Variants in ZFYVE9 observed in about 807,000 individuals in gnomAD.
ZFYVE9 encodes the protein zinc finger FYVE-type containing 9.
Under a neutral mutation model 126.7 loss-of-function variants are expected in ZFYVE9, and 43 were observed. That is an observed-to-expected ratio of 0.34 (90% confidence interval 0.27 to 0.44). ZFYVE9 has a LOEUF of 0.44. Ranked by LOEUF, ZFYVE9 falls within the 20% of genes least tolerant of loss-of-function variation. The pLI, the probability that ZFYVE9 is intolerant of heterozygous loss-of-function variation, is 1.00. For synonymous variants in ZFYVE9, 521 were observed against 597.4 expected (o/e 0.87, Z 1.87); for missense variants, 1,476 against 1,697.0 (o/e 0.87, Z 2.29).
intron 1 of ZFYVE9, among the ~76,000 whole-genome samples, chr1:52,156,611 A>G (rs1572060798): frequency 6.6e-6 from 1 of 152,134 alleles, no homozygotes; most frequent in East Asian, 1.9e-4. Context: ...CCATTTATAC[A>G]TTGAGGGACT....
At chr1:52,261,644 T>C (rs889796333) in intron 4 of ZFYVE9, among the ~76,000 whole-genome samples, 1 of 152,204 alleles carries the variant, frequency 6.6e-6, no homozygotes, top group African/African-American at 2.4e-5. Flanking sequence ...ATTAGATTTA[T>C]TTTTTAGAAA....
chr1:52,318,402 G>A (rs1158708297), intron 13 of ZFYVE9, among the ~76,000 whole-genome samples: 6 of 149,388 alleles, frequency 4.0e-5, no homozygotes, highest in Admixed American at 3.3e-4. Context: ...GTGTGTGTGT[G>A]TGTGTGTGTG....
chr1:52,148,145 G>T (rs1295236893), intron 1 of ZFYVE9, among the ~76,000 whole-genome samples: 2 of 151,732 alleles, frequency 1.3e-5, no homozygotes, highest in South Asian at 2.1e-4. Context: ...TGCATTGCCA[G>T]ATTCTTTGAT....
At chr1:52,226,439 G>A (rs1645171278) in intron 2 of ZFYVE9, among the ~76,000 whole-genome samples, 1 of 152,198 alleles carries the variant, frequency 6.6e-6, no homozygotes, top group African/African-American at 2.4e-5. Context: ...GGGAGGCTGA[G>A]GCAGGAGAAT....
intron 4 of ZFYVE9, among the ~76,000 whole-genome samples, chr1:52,245,170 A>T: frequency 6.6e-6 from 1 of 152,030 alleles, no homozygotes; most frequent in South Asian, 2.1e-4. Context: ...TCTCAAAAAA[A>T]AAAAAAATTA....
chr1:52,345,536 G>T (rs1204259332), intron 18 of ZFYVE9, among the ~76,000 whole-genome samples: 1 of 152,162 alleles, frequency 6.6e-6, no homozygotes, highest in Admixed American at 6.5e-5. Context: ...TACTAATGAA[G>T]TATTCTGGTC....
intron 1 of ZFYVE9, among the ~76,000 whole-genome samples, chr1:52,191,982 T>C (rs1644819877): frequency 6.6e-6 from 1 of 151,288 alleles, no homozygotes; most frequent in Admixed American, 6.6e-5. Flanking sequence ...TAAATGGACA[T>C]GGTCTTAACA....
Position 52,228,165 on chromosome 1 carries a change from G to A in ZFYVE9, c.-36-5006G>A, listed in dbSNP as rs562126409. Among the ~76,000 whole-genome samples, 12 of 152,098 alleles carry A rather than the reference G, an allele frequency of 7.9e-5. No individual in the cohort carries two copies. The South Asian group carries it at 1.0e-3, about 13-fold the overall frequency. ...ACCATCATGGCCCACTGCAACCTCC[G>A]TCTCCTGAGCTGAAGCAATCTTCCT... On this transcript the variant is annotated intron_variant, in intron 2 of 18. Coordinates refer to ENST00000287727, the MANE Select transcript of ZFYVE9 (RefSeq NM_004799.4).
chr1:52,176,670 G>A (rs1644633373), intron 1 of ZFYVE9, among the ~76,000 whole-genome samples: 1 of 152,208 alleles, frequency 6.6e-6, no homozygotes. Flanking sequence ...CGGCTGCTTT[G>A]TTTACCTAAG....
At chr1:52,159,360 C>T (rs997805937) in intron 1 of ZFYVE9, among the ~76,000 whole-genome samples, 4 of 152,118 alleles carry the variant, frequency 2.6e-5, no homozygotes, top group African/African-American at 9.7e-5. Flanking sequence ...TTGAGTCCTT[C>T]AGGAAGCAGC....
At chr1:52,281,906 C>T in intron 10 of ZFYVE9, 90 bp downstream of exon 10, 2 of 1,463,590 alleles carry the variant, frequency 1.4e-6, no homozygotes, top group Admixed American at 1.9e-5. Context: ...TAACTTTGGA[C>T]TTAAGCATGG....
At chr1:52,323,436 A>T (rs1312710493) in intron 13 of ZFYVE9, among the ~76,000 whole-genome samples, 1 of 152,228 alleles carries the variant, frequency 6.6e-6, no homozygotes, top group Non-Finnish European at 1.5e-5. Flanking sequence ...ACACACAAGA[A>T]TATAAGCTCT....
At position 52,238,202 on chromosome 1, in the gene ZFYVE9, C is replaced by G; in HGVS notation, c.785C>G (p.Thr262Arg). ...AGAGACCCCTCCATGTCTGCGATTACAAGTTTAACGGTTGATTCAGTAATC... is the reference window on the plus strand; with the variant it reads ...AGAGACCCCTCCATGTCTGCGATTAGAAGTTTAACGGTTGATTCAGTAATC... ...IGRDPSMSAI[T>R]SLTVDSVISS... is the part of the protein sequence containing the mutation. Residue 262 changes from threonine to arginine, a missense_variant, in exon 4 of 19, where the codon ACA becomes AGA. By Grantham distance (71) the Thr-to-Arg change is moderately conservative. Around this residue, in one of 2 missense-constraint regions of ZFYVE9, gnomAD observed 807 missense variants for 794.6 expected, o/e 1.02. Transcript: ENST00000287727. The G allele has an allele frequency of 6.2e-7, 1 of 1,614,072 alleles. No individual in the cohort carries two copies. The highest frequency in any genetic ancestry group is 8.5e-7 in the Non-Finnish European group (1 of 1,179,980).
rs761780637 is a variant in ZFYVE9, at chr1:52,233,293, G to A, written c.70+17G>A. The stretch of plus-strand genomic sequence containing the variant: ...AAAACGAAGGTGAGAATTTATATTG[G>A]TGAATCTGTTTGCCTATGTGGTATA... On this transcript the variant is annotated intron_variant, in intron 3 of 18. Coordinates refer to ENST00000287727, the MANE Select transcript of ZFYVE9 (RefSeq NM_004799.4). 5.8e-6 allele frequency: 9 copies of A among 1,559,730 alleles called. No homozygotes were observed. In the African/African-American group the frequency reaches 9.5e-5, roughly 16 times the overall value.
intron 2 of ZFYVE9, among the ~76,000 whole-genome samples, chr1:52,232,723 T>C: frequency 9.0e-6 from 1 of 110,552 alleles, no homozygotes; most frequent in East Asian, 2.2e-4. Flanking sequence ...AGTGAGACTC[T>C]GTCTCAAAAA....
chr1:52,174,814 C>G (rs912677726), intron 1 of ZFYVE9, among the ~76,000 whole-genome samples: 5 of 152,114 alleles, frequency 3.3e-5, no homozygotes, highest in African/African-American at 4.8e-5. Context: ...TTATCCGAGA[C>G]TAGGATTGCA....
chr1:52,302,400 A>G (rs1485538226), intron 12 of ZFYVE9, among the ~76,000 whole-genome samples: 1 of 152,164 alleles, frequency 6.6e-6, no homozygotes, highest in Non-Finnish European at 1.5e-5. Context: ...AACTTTTATC[A>G]TTTGTTCACA....
At chr1:52,248,308 A>C (rs1302061053) in intron 4 of ZFYVE9, among the ~76,000 whole-genome samples, 1 of 152,186 alleles carries the variant, frequency 6.6e-6, no homozygotes, top group African/African-American at 2.4e-5. Context: ...GGGCAGGAGG[A>C]GAGGATATAA....
intron 1 of ZFYVE9, among the ~76,000 whole-genome samples, chr1:52,195,362 CTGTG>C (rs1199301447): frequency 3.9e-5 from 6 of 152,198 alleles, no homozygotes; most frequent in Non-Finnish European, 8.8e-5. Context: ...GGCTGTGTCA[CTGTG>C]TGTGACCTTG....
Sources: gnomAD v4.1 joint callset for allele counts (sites outside exome capture counted in the v4.1 genomes callset) on GRCh38, gnomAD v4.1.1 for gene constraint, gnomAD v4.1.1 regional missense constraint, MANE v1.5 for transcripts, NCBI Gene and HGNC (gene_info 2026-07-23, HGNC 2026-07-21) for gene names.